The following NEK4 variants were observed in gnomAD, a reference collection of about 807,000 sequenced individuals.
NEK4 encodes NIMA related kinase 4.
In NEK4, 86 loss-of-function variants were observed where a neutral mutation model predicts 98.4. That is an observed-to-expected ratio of 0.87 (90% CI 0.73 to 1.05). The LOEUF is 1.05. Ranked by LOEUF, NEK4 falls within the 50% of genes least tolerant of loss-of-function variation. The probability of loss-of-function intolerance (pLI) is 0.00; values close to 1 mark genes in which losing one functional copy is unlikely to be tolerated. For synonymous variants in NEK4, 328 were observed against 342.2 expected (o/e 0.96, Z 0.46); for missense variants, 898 against 950.3 (o/e 0.94, Z 0.72).
chr3:52,728,112 C>T (rs2097366258), intron 15 of NEK4, among the ~76,000 whole-genome samples: 1 of 152,184 alleles, frequency 6.6e-6, no homozygotes, highest in African/African-American at 2.4e-5. Context: ...GTAGCTCACA[C>T]CTGTAACCCC....
At chr3:52,734,875 T>G (rs2154103138) in intron 15 of NEK4, 1 of 268,532 alleles carries the variant, frequency 3.7e-6, no homozygotes, top group Middle Eastern at 1.4e-3. Flanking sequence ...TAAAGGCTTG[T>G]GAACTGAAAC....
At chr3:52,768,669 T>A (rs569222091) in intron 1 of NEK4, 65 bp from the exon 2 acceptor site, 1 of 1,499,790 alleles carries the variant, frequency 6.7e-7, no homozygotes, top group African/African-American at 1.4e-5. Context: ...CTCAGAGTTA[T>A]CTAAGGGCTC....
rs570833694 is a variant in NEK4, at chr3:52,738,040, C to T, written c.2300-321G>A. Among the ~76,000 whole-genome samples, 4 of 152,014 alleles carry T rather than the reference C, an allele frequency of 2.6e-5. No individual in the cohort carries two copies. The East Asian group carries it at 7.7e-4, about 29-fold the overall frequency. On this transcript the variant is annotated intron_variant, in intron 14 of 15. Transcript: ENST00000233027. ...GTGTTAGCCAGGATGGTCTTGATCT[C>T]CTGACCTCGTGACCCACCCACCTCA...
chr3:52,746,689 G>T (rs2097396650), intron 9 of NEK4, 45 bp downstream of exon 9: 1 of 1,539,368 alleles, frequency 6.5e-7, no homozygotes, highest in South Asian at 1.2e-5. Context: ...AATAGAAATT[G>T]AGTTTCCCAA....
intron 9 of NEK4, among the ~76,000 whole-genome samples, 162 bp from the exon 10 acceptor site, chr3:52,746,372 G>C (rs1346029011): frequency 1.3e-5 from 2 of 152,166 alleles, no homozygotes; most frequent in Admixed American, 6.5e-5. Flanking sequence ...CATCTAAGAA[G>C]GTTATGGAGA....
At position 52,770,672 on chromosome 3, in the gene NEK4, G is replaced by C. The variant is rs780576006; in HGVS notation, c.75C>G (p.His25Gln). ...TGCAGACCTGCTTGCCGTCCCGCCG[G>C]TGCTTCACAAGCGTCACCTCTCCAT... ...GSYGEVTLVK[H>Q]RRDGKQYVIK... Residue 25 changes from histidine (H) to glutamine (Q), a missense_variant, in exon 1 of 16, where the codon CAC (histidine) becomes CAG (glutamine). Physicochemically the swap from His to Gln is conservative, Grantham distance 24. Transcript: ENST00000233027. The C allele has an allele frequency of 1.3e-6, 2 of 1,565,468 alleles. No individual in the cohort carries two copies. The highest frequency in any genetic ancestry group is 1.2e-5 in the South Asian group (1 of 85,120).
At chr3:52,760,304 C>G (rs978580756) in intron 6 of NEK4, among the ~76,000 whole-genome samples, 1 of 152,148 alleles carries the variant, frequency 6.6e-6, no homozygotes, top group African/African-American at 2.4e-5. Context: ...GCAACCTCCA[C>G]CTCCCAGGTT....
intron 15 of NEK4, chr3:52,732,710 T>C (rs1009938503): frequency 3.3e-6 from 1 of 305,566 alleles, no homozygotes; most frequent in Admixed American, 3.6e-5. Flanking sequence ...AACCTGGTCT[T>C]TCTGGGAATC....
intron 10 of NEK4, among the ~76,000 whole-genome samples, chr3:52,744,701 A>C (rs1362774163): frequency 6.9e-6 from 1 of 145,096 alleles, no homozygotes; most frequent in Non-Finnish European, 1.5e-5. Flanking sequence ...AAAAAAAAAG[A>C]AAAAGGTCTT....
At chr3:52,739,701 G>A (rs1346228555) in intron 13 of NEK4, 67 bp from the exon 14 acceptor site, 15 of 1,372,586 alleles carry the variant, frequency 1.1e-5, no homozygotes, top group Middle Eastern at 1.8e-4. Context: ...AAAAAATTAC[G>A]TGCAAAACGA....
intron 4 of NEK4, among the ~76,000 whole-genome samples, chr3:52,765,439 C>G (rs537066743): frequency 4.6e-5 from 7 of 152,038 alleles, no homozygotes; most frequent in Non-Finnish European, 7.4e-5. Flanking sequence ...ACATACAAAG[C>G]CAGTCACTCT....
rs537357274 is a variant in NEK4, at chr3:52,716,482, T to C, written c.2434-4613A>G. Among the ~76,000 whole-genome samples, 10 of 152,356 alleles carry C rather than the reference T, an allele frequency of 6.6e-5. No homozygotes were observed. The East Asian group carries it at 1.9e-3, about 29-fold the overall frequency. ...TTTTAATCTTTCATCTGAAGTAACC[T>C]GATGTTAACCAATCAGCTTATTTTT... On this transcript the variant is annotated intron_variant, in intron 15 of 15. Transcript: ENST00000233027.
At chr3:52,752,872 C>T (rs934182754) in intron 6 of NEK4, among the ~76,000 whole-genome samples, 1 of 136,104 alleles carries the variant, frequency 7.3e-6, no homozygotes, top group African/African-American at 2.8e-5. Context: ...TGCACTCCAG[C>T]CTGGGCAACA....
Position 52,710,967 on chromosome 3 carries a change from C to G in NEK4, c.*810G>C, listed in dbSNP as rs1042230380. ...ACATGGAAAGACAACTAATATCTTA[C>G]AGTACATGAAGACAAACTTCAGGAG... On this transcript the variant is annotated 3_prime_UTR_variant, in exon 16 of 16. Transcript: ENST00000233027. 2 of 152,546 alleles carry G rather than the reference C, an allele frequency of 1.3e-5. No individual in the cohort carries two copies. The highest frequency in any genetic ancestry group is 2.4e-5 in the African/African-American group (1 of 41,408). 9.4% of individuals were successfully genotyped at this position (152,546 alleles called of 1,614,324 possible). A position where few individuals can be genotyped will look rare whatever the true frequency, so the allele number is the denominator to read the frequency against.
rs953873475 is a variant in NEK4 at position 52,709,058 on chromosome 3, G to C, written c.*2719C>G. On this transcript the variant is annotated 3_prime_UTR_variant, in exon 16 of 16. Coordinates refer to ENST00000233027, the MANE Select transcript of NEK4 (RefSeq NM_003157.6). ...GAAAATCAGCCAGGCATGGTGGTGT[G>C]TGCCTGTAATCCCAGCTACTCGGGA... 1 of 152,050 alleles carries C rather than the reference G, an allele frequency of 6.6e-6. No homozygotes were observed. The highest frequency in any genetic ancestry group is 2.4e-5 in the African/African-American group (1 of 41,328). 9.4% of individuals were successfully genotyped at this position (152,050 alleles called of 1,614,324 possible).
In NEK4 at chr3:52,768,384, T is replaced by G. The variant is rs1162083539; in HGVS notation, c.314A>C (p.Glu105Ala). The change falls in exon 2 of 16, where the codon GAG (glutamate) becomes GCG (alanine). Residue 105 changes from glutamate (E) to alanine (A), a missense_variant. Glu to Ala is a moderately radical substitution (Grantham distance 107). Transcript: ENST00000233027. The stretch of plus-strand genomic sequence containing the variant: ...TACAAACCACTCTACCACCTGATTC[T>G]CAGGCAGAAGCTGCCCTTTCTGCTC... ...LKEQKGQLLP[E>A]NQVVEWFVQI... 2 of 1,614,062 alleles carry G rather than the reference T, an allele frequency of 1.2e-6. No individual in the cohort carries two copies. The highest frequency in any genetic ancestry group is 2.7e-5 in the African/African-American group (2 of 74,946).
chr3:52,735,689 C>CT (rs1439593930), intron 15 of NEK4, among the ~76,000 whole-genome samples: 1 of 152,206 alleles, frequency 6.6e-6, no homozygotes, highest in African/African-American at 2.4e-5. Context: ...AGTAAGCACA[C>CT]TTTGTCATTA....
chr3:52,766,469 A>G, intron 2 of NEK4, 94 bp from the exon 3 acceptor site: 1 of 878,790 alleles, frequency 1.1e-6, no homozygotes, highest in Non-Finnish European at 1.8e-6. Flanking sequence ...GGCATGAGTT[A>G]GAGTCTTTGA....
chr3:52,741,984 TGG>T (rs2097387156), intron 12 of NEK4, among the ~76,000 whole-genome samples: 1 of 152,108 alleles, frequency 6.6e-6, no homozygotes, highest in Non-Finnish European at 1.5e-5. Context: ...TTCACCATGT[TGG>T]CCAGGCTGGT....
Sources: gnomAD v4.1 joint callset for allele counts (sites outside exome capture counted in the v4.1 genomes callset) on GRCh38, gnomAD v4.1.1 for gene constraint, MANE v1.5 for transcripts, NCBI Gene and HGNC (gene_info 2026-07-23, HGNC 2026-07-21) for gene names.